Variants in ADAM29 observed in about 807,000 individuals in gnomAD.
ADAM29 encodes the protein ADAM metallopeptidase domain 29, also known as disintegrin and metalloproteinase domain-containing protein 29.
For missense variants in ADAM29, 969 were observed against 1,001.8 expected (o/e 0.97, Z 0.44); for synonymous variants, 367 against 342.3 (o/e 1.07, Z -0.80).
intron 4 of ADAM29, among the ~76,000 whole-genome samples, chr4:174,949,695 T>C (rs561955730): frequency 6.6e-6 from 1 of 152,104 alleles, no homozygotes; most frequent in South Asian, 2.1e-4. Flanking sequence ...GTGGGAGATG[T>C]TCCTCCTGGC....
chr4:174,977,448 C>G lies in ADAM29; in HGVS notation c.1923C>G (p.His641Gln), dbSNP rs1395743006. The change falls in exon 5 of 5, where the codon CAC (histidine) becomes CAG (glutamine). Residue 641 changes from histidine (H) to glutamine (Q), a missense_variant. His to Gln is a conservative substitution (Grantham distance 24, BLOSUM62 0). Transcript: ENST00000359240. ...GGGGCATCTGCAACAATAAACATCA[C>G]TGCCATTGCAATTATCTGTGGGACC... ...NKRGICNNKH[H>Q]CHCNYLWDPP... 1 of 1,613,750 alleles carries G rather than the reference C, an allele frequency of 6.2e-7. No individual in the cohort carries two copies. Among genetic ancestry groups the G allele is most frequent in the Non-Finnish European group, 8.5e-7 (1 of 1,179,892 alleles).
intron 4 of ADAM29, among the ~76,000 whole-genome samples, chr4:174,962,371 G>GC (rs1745879800): frequency 6.6e-6 from 1 of 151,972 alleles, no homozygotes. Context: ...AATTAGCTGG[G>GC]CGTGGTGGGG....
intron 4 of ADAM29, among the ~76,000 whole-genome samples, chr4:174,965,442 C>T (rs1174636753): frequency 6.6e-6 from 1 of 152,074 alleles, no homozygotes. Context: ...CAAATTTTAA[C>T]ATGAGTTTTC....
At chr4:174,951,962 T>C (rs1745201931) in intron 4 of ADAM29, among the ~76,000 whole-genome samples, 1 of 152,146 alleles carries the variant, frequency 6.6e-6, no homozygotes, top group Non-Finnish European at 1.5e-5. Context: ...ACGGTGACTA[T>C]AATTAATAAC....
At chr4:174,921,382 A>G (rs1357277026) in intron 2 of ADAM29, among the ~76,000 whole-genome samples, 1 of 152,178 alleles carries the variant, frequency 6.6e-6, no homozygotes, top group Non-Finnish European at 1.5e-5. Flanking sequence ...TACTCAACCA[A>G]CATCAGTGAG....
At chr4:174,966,350 T>C (rs1218108433) in intron 4 of ADAM29, among the ~76,000 whole-genome samples, 2 of 152,214 alleles carry the variant, frequency 1.3e-5, no homozygotes, top group East Asian at 3.9e-4. Flanking sequence ...CTCTGAAGTC[T>C]AAAATTCAAA....
In ADAM29 at chr4:174,973,237, G is replaced by T. The variant is rs185935689; in HGVS notation, c.-180-2109G>T. 7.9e-5 allele frequency among the ~76,000 whole-genome samples: 12 copies of T among 152,284 alleles called. No individual in the cohort carries two copies. The East Asian group carries it at 2.3e-3, about 29-fold the overall frequency. ...GAGCTCCAACTGACAGACGTAATTC[G>T]TGTATAAAGCCCCTTTAAAAATTTT... On this transcript the variant is annotated intron_variant, in intron 4 of 4. Coordinates refer to ENST00000359240, the MANE Select transcript of ADAM29 (RefSeq NM_014269.4).
chr4:174,932,864 G>A (rs1743978745), intron 3 of ADAM29, among the ~76,000 whole-genome samples: 1 of 152,066 alleles, frequency 6.6e-6, no homozygotes, highest in African/African-American at 2.4e-5. Flanking sequence ...AGGATGTCAG[G>A]AATCAAAGAA....
intron 4 of ADAM29, among the ~76,000 whole-genome samples, chr4:174,969,115 A>C (rs1746325744): frequency 6.6e-6 from 1 of 151,808 alleles, no homozygotes; most frequent in Non-Finnish European, 1.5e-5. Flanking sequence ...ATTTTCCAGT[A>C]TTGGAAAAAT....
chr4:174,929,745 A>ATC (rs966325887), intron 2 of ADAM29, among the ~76,000 whole-genome samples: 2 of 120,136 alleles, frequency 1.7e-5, no homozygotes, highest in African/African-American at 6.6e-5. Flanking sequence ...TATCTCTCAC[A>ATC]TCTCTCTCTC....
chr4:174,977,805 ACCT>A lies in ADAM29; in HGVS notation c.2284_2286del (p.Pro762del). On this transcript the variant is annotated inframe_deletion, in exon 5 of 5. Coordinates refer to ENST00000359240, the MANE Select transcript of ADAM29 (RefSeq NM_014269.4). Reference sequence around the variant, plus strand: ...CTCAGGTGATGCCTTCCCAGAGTCAACCTCCTGTGACACCCTCCCAGAGTCAAC... The same window carrying A: ...CTCAGGTGATGCCTTCCCAGAGTCAACCTGTGACACCCTCCCAGAGTCAAC... The A allele has an allele frequency of 1.3e-6, 2 of 1,591,594 alleles. No homozygotes were observed. Among genetic ancestry groups the A allele is most frequent in the Admixed American group, 3.4e-5 (2 of 58,856 alleles).
chr4:174,972,180 T>C (rs1258818851), intron 4 of ADAM29, among the ~76,000 whole-genome samples: 1 of 152,164 alleles, frequency 6.6e-6, no homozygotes, highest in Non-Finnish European at 1.5e-5. Context: ...TTCATTAGGG[T>C]TGGTTTCTGA....
chr4:174,972,628 G>C (rs1466923430), intron 4 of ADAM29, among the ~76,000 whole-genome samples: 1 of 152,080 alleles, frequency 6.6e-6, no homozygotes, highest in Non-Finnish European at 1.5e-5. Context: ...GCTGACACTT[G>C]GGATATTTTT....
At chr4:174,962,046 A>G (rs1460401616) in intron 4 of ADAM29, among the ~76,000 whole-genome samples, 1 of 152,226 alleles carries the variant, frequency 6.6e-6, no homozygotes, top group Admixed American at 6.5e-5. Flanking sequence ...AAGACAAGGA[A>G]AGAAAATAAA....
chr4:174,968,902 C>G (rs1000191284), intron 4 of ADAM29, among the ~76,000 whole-genome samples: 2 of 151,732 alleles, frequency 1.3e-5, no homozygotes, highest in Non-Finnish European at 2.9e-5. Context: ...AGTATTAGTA[C>G]CTTGAATTTT....
At chr4:174,935,228 A>C (rs1744137631) in intron 3 of ADAM29, among the ~76,000 whole-genome samples, 1 of 152,188 alleles carries the variant, frequency 6.6e-6, no homozygotes, top group Non-Finnish European at 1.5e-5. Flanking sequence ...ATATAACAAT[A>C]GAAGGGTCTA....
Position 174,976,714 on chromosome 4 carries a change from G to A in ADAM29, c.1189G>A (p.Val397Met), listed in dbSNP as rs1181975275. 1 of 1,613,946 alleles carries A rather than the reference G, an allele frequency of 6.2e-7. No homozygotes were observed. The highest frequency in any genetic ancestry group is 1.7e-5 in the Admixed American group (1 of 60,012). The change falls in exon 5 of 5, where the codon GTG (valine) becomes ATG (methionine). Residue 397 changes from valine (V) to methionine (M), a missense_variant. Coordinates refer to ENST00000359240, the MANE Select transcript of ADAM29 (RefSeq NM_014269.4). ...ETVHTKDIFN[V>M]KRCGNGVVEE... ...AGTACACACAAAGGACATCTTTAAT[G>A]TGAAGCGCTGTGGGAATGGTGTTGT...
chr4:174,965,080 C>T (rs1263083196), intron 4 of ADAM29, among the ~76,000 whole-genome samples: 2 of 152,068 alleles, frequency 1.3e-5, no homozygotes, highest in Admixed American at 6.5e-5. Flanking sequence ...ATATATTAGT[C>T]TTTTTAGTGT....
At position 174,977,504 on chromosome 4, in the gene ADAM29, G is replaced by T. The variant is rs769393700; in HGVS notation, c.1979G>T (p.Gly660Val). The change falls in exon 5 of 5, where the codon GGT (glycine) becomes GTT (valine). Residue 660 changes from glycine to valine, a missense_variant. Gly to Val is a moderately radical substitution (Grantham distance 109, BLOSUM62 -3). Transcript: ENST00000359240. ...PPNCLIKGYG[G>V]SVDSGPPPKR... is the part of the protein sequence containing the mutation. ...AACTGCCTGATAAAAGGCTATGGAG[G>T]TAGTGTTGACAGTGGCCCACCCCCT... 1 of 1,614,214 alleles carries T rather than the reference G, an allele frequency of 6.2e-7. No homozygotes were observed. The highest frequency in any genetic ancestry group is 1.1e-5 in the South Asian group (1 of 91,088).
Sources: allele counts gnomAD v4.1 joint callset (sites outside exome capture counted in the v4.1 genomes callset), GRCh38; gene constraint gnomAD v4.1.1; transcripts MANE v1.5; gene names NCBI Gene and HGNC (gene_info 2026-07-23, HGNC 2026-07-21).